WDR7: variants seen among roughly 807,000 people sequenced by gnomAD.
The protein encoded by WDR7 is WD repeat domain 7.
In WDR7, 46 loss-of-function variants were observed where a neutral mutation model predicts 169.4. The observed-to-expected ratio is 0.27, with a 90% CI of 0.21 to 0.35. The LOEUF (loss-of-function observed/expected upper bound fraction) is 0.35, where lower values mean the gene tolerates loss of function less well. Ranked by LOEUF, WDR7 falls within the 10% of genes least tolerant of loss-of-function variation. WDR7 has a pLI of 1.00. For missense variants in WDR7, 1,534 were observed against 1,859.3 expected (o/e 0.83, Z 3.22); for synonymous variants, 612 against 666.8 (o/e 0.92, Z 1.27).
chr18:56,754,452 C>T (rs2043850828), intron 14 of WDR7, among the ~76,000 whole-genome samples: 1 of 150,494 alleles, frequency 6.6e-6, no homozygotes, highest in Admixed American at 6.6e-5. Context: ...CTTGCCATGC[C>T]ATATATAATG....
At position 56,952,108 on chromosome 18, in the gene WDR7, T is replaced by A. The variant is rs758615538; in HGVS notation, c.4065-10322T>A. Reference sequence around the variant, plus strand: ...AAATCTGGAAAACTCAGCTATGCATTTGTGAGAAAATGAGAGTGAAAAGGG... The same window carrying A: ...AAATCTGGAAAACTCAGCTATGCATATGTGAGAAAATGAGAGTGAAAAGGG... On this transcript the variant is annotated intron_variant, in intron 25 of 27. Transcript: ENST00000254442. Among the ~76,000 whole-genome samples, 74 of 152,174 alleles carry A rather than the reference T, an allele frequency of 4.9e-4. 1 individual carries two copies. Among genetic ancestry groups the A allele is most frequent in the Non-Finnish European group, 1.8e-4 (12 of 68,032 alleles).
chr18:57,000,609 T>G (rs951712562), intron 26 of WDR7, among the ~76,000 whole-genome samples: 1 of 152,188 alleles, frequency 6.6e-6, no homozygotes, highest in Non-Finnish European at 1.5e-5. Flanking sequence ...AACTGATTAC[T>G]CTCTACTCAC....
chr18:56,874,088 G>A, intron 20 of WDR7: 1 of 152,208 alleles, frequency 6.6e-6, no homozygotes, highest in East Asian at 1.9e-4. Flanking sequence ...ACTATGTAAA[G>A]AGTAAAATAT....
chr18:56,723,628 T>C (rs936055792), intron 13 of WDR7, among the ~76,000 whole-genome samples: 3 of 152,132 alleles, frequency 2.0e-5, no homozygotes, highest in Non-Finnish European at 4.4e-5. Flanking sequence ...TTTTAAATTT[T>C]TTCCTTAATT....
At chr18:56,769,168 T>C (rs1405405093) in intron 16 of WDR7, among the ~76,000 whole-genome samples, 1 of 152,154 alleles carries the variant, frequency 6.6e-6, no homozygotes, top group African/African-American at 2.4e-5. Context: ...ACCACACTTT[T>C]ATTCATGGTA....
At chr18:56,954,517 G>C (rs569186012) in intron 25 of WDR7, among the ~76,000 whole-genome samples, 3 of 152,142 alleles carry the variant, frequency 2.0e-5, no homozygotes, top group East Asian at 3.9e-4. Flanking sequence ...TATATGTGAA[G>C]ATCAATATTC....
intron 21 of WDR7, among the ~76,000 whole-genome samples, chr18:56,915,156 G>A (rs766308337): frequency 4.6e-5 from 7 of 152,116 alleles, no homozygotes; most frequent in Non-Finnish European, 1.0e-4. Flanking sequence ...TTTAATAATT[G>A]CATTAACACA....
At chr18:56,775,871 G>A (rs758815089) in intron 16 of WDR7, among the ~76,000 whole-genome samples, 21 of 152,166 alleles carry the variant, frequency 1.4e-4, no homozygotes, top group Admixed American at 1.1e-3. Context: ...CTGTTCAGGA[G>A]CCCAAACCTA....
chr18:56,668,890 A>G (rs896888524), intron 1 of WDR7, among the ~76,000 whole-genome samples: 1 of 97,806 alleles, frequency 1.0e-5, no homozygotes, highest in Non-Finnish European at 2.2e-5. Context: ...AGAAGTAGCA[A>G]AATCTGTGTT....
chr18:56,989,097 A>G (rs1354205331), intron 26 of WDR7, among the ~76,000 whole-genome samples: 1 of 149,676 alleles, frequency 6.7e-6, no homozygotes, highest in Non-Finnish European at 1.5e-5. Context: ...AAAAAAAAAA[A>G]TGGTGAGAAT....
chr18:56,946,137 C>G (rs1480934087), intron 25 of WDR7, among the ~76,000 whole-genome samples: 1 of 152,166 alleles, frequency 6.6e-6, no homozygotes, highest in Non-Finnish European at 1.5e-5. Flanking sequence ...TCCATTTATT[C>G]CTCAGAGTAT....
chr18:56,974,266 TGCCAA>T (rs2047532834), intron 26 of WDR7, among the ~76,000 whole-genome samples: 1 of 152,146 alleles, frequency 6.6e-6, no homozygotes, highest in South Asian at 2.1e-4. Flanking sequence ...CTGACTGCAT[TGCCAA>T]GCACAACTAG....
chr18:56,762,656 G>A (rs536128021), intron 16 of WDR7, among the ~76,000 whole-genome samples: 105 of 151,988 alleles, frequency 6.9e-4, no homozygotes, highest in African/African-American at 2.4e-3. Context: ...TGCTTCATCA[G>A]TCTTACCAGG....
chr18:56,866,256 C>T (rs1328887156), intron 20 of WDR7, among the ~76,000 whole-genome samples: 1 of 151,992 alleles, frequency 6.6e-6, no homozygotes, highest in African/African-American at 2.4e-5. Context: ...AAAATTCAGC[C>T]AGTCATCTTA....
intron 26 of WDR7, among the ~76,000 whole-genome samples, chr18:57,016,138 A>C (rs772063523): frequency 7.2e-5 from 11 of 151,970 alleles, no homozygotes; most frequent in Non-Finnish European, 1.5e-4. Flanking sequence ...CGCCCCTCAA[A>C]TTGCAACTGC....
chr18:56,819,975 T>G (rs1169784484), intron 20 of WDR7, among the ~76,000 whole-genome samples: 2 of 152,090 alleles, frequency 1.3e-5, no homozygotes, highest in African/African-American at 4.8e-5. Context: ...ATTATACTAA[T>G]GGAGTAAATC....
At chr18:56,733,085 C>T (rs530666060) in intron 14 of WDR7, among the ~76,000 whole-genome samples, 6 of 152,188 alleles carry the variant, frequency 3.9e-5, no homozygotes, top group Non-Finnish European at 7.4e-5. Flanking sequence ...GTTTTAATAG[C>T]GTATTTTATA....
chr18:56,824,769 G>A (rs1399021223), intron 20 of WDR7, among the ~76,000 whole-genome samples: 1 of 152,160 alleles, frequency 6.6e-6, no homozygotes, highest in Non-Finnish European at 1.5e-5. Context: ...AGTCACTATT[G>A]TTTCTGTTTA....
chr18:56,990,730 T>G lies in WDR7; in HGVS notation c.4164+28201T>G, dbSNP rs139452166. 2.0e-5 allele frequency among the ~76,000 whole-genome samples: 3 copies of G among 152,352 alleles called. No individual in the cohort carries two copies. The East Asian group carries it at 5.8e-4, about 29-fold the overall frequency. On this transcript the variant is annotated intron_variant, in intron 26 of 27. Transcript: ENST00000254442. ...ACTTAGGAGGTAAGCTTTACTTATA[T>G]ATACCATAGTTATTCTGTCTTACCC... is the stretch of plus-strand genomic sequence containing the variant.
Sources: allele counts gnomAD v4.1 joint callset (sites outside exome capture counted in the v4.1 genomes callset), GRCh38; gene constraint gnomAD v4.1.1; transcripts MANE v1.5; gene names NCBI Gene and HGNC (gene_info 2026-07-23, HGNC 2026-07-21).